VIL1: variants seen among roughly 807,000 people sequenced by gnomAD.
VIL1 encodes the protein villin 1.
A neutral mutation model predicts 104.0 loss-of-function variants in VIL1; 86 were observed. That is an observed-to-expected ratio of 0.83 (90% CI 0.69 to 0.99). VIL1 has a LOEUF of 0.99. Among genes scored for constraint, VIL1 ranks in the 50% least tolerant of loss-of-function variants. The probability of loss-of-function intolerance (pLI) is 0.00; values close to 1 mark genes in which losing one functional copy is unlikely to be tolerated. For synonymous variants in VIL1, 394 were observed against 412.6 expected (o/e 0.95, Z 0.55); for missense variants, 944 against 1,054.1 (o/e 0.90, Z 1.45).
chr2:218,434,505 G>A, intron 13 of VIL1, 21 bp from the exon 14 acceptor site: 2 of 1,596,610 alleles, frequency 1.3e-6, no homozygotes, highest in Non-Finnish European at 1.7e-6. Flanking sequence ...CTCTCTCCCT[G>A]TCTTCTGCCC....
In VIL1 at chr2:218,444,479, T is replaced by C. The variant is rs553297475; in HGVS notation, c.2370+3617T>C. Among the ~76,000 whole-genome samples the C allele has an allele frequency of 3.8e-3, 569 of 151,564 alleles. 3 individuals are homozygous for C. The highest frequency in any genetic ancestry group is 0.016 in the South Asian group (76 of 4,790). On this transcript the variant is annotated intron_variant, in intron 19 of 19. Coordinates refer to ENST00000248444, the MANE Select transcript of VIL1 (RefSeq NM_007127.3). ...ATTTTTAGTAGAGACGGGGTTTCACTGTGTTAGCCAGGATGGTCTCGATCT... is the reference window on the plus strand; with the variant it reads ...ATTTTTAGTAGAGACGGGGTTTCACCGTGTTAGCCAGGATGGTCTCGATCT...
At chr2:218,435,853 G>C (rs190901132) in intron 15 of VIL1, among the ~76,000 whole-genome samples, 7 of 152,262 alleles carry the variant, frequency 4.6e-5, no homozygotes, top group South Asian at 2.1e-4. Flanking sequence ...TTGTTTTTGT[G>C]ACAGAGTCTC....
At chr2:218,437,037 A>G in intron 16 of VIL1, 87 bp from the exon 17 acceptor site, 1 of 1,489,918 alleles carries the variant, frequency 6.7e-7, no homozygotes, top group Non-Finnish European at 9.2e-7. Flanking sequence ...GGTCAAGGTC[A>G]GGGTTTCACT....
intron 10 of VIL1, chr2:218,431,266 G>T (rs749077991): frequency 9.2e-6 from 3 of 326,838 alleles, no homozygotes; most frequent in Non-Finnish European, 1.6e-5. Flanking sequence ...CTGGAGAATC[G>T]CTTGAATTCA....
At chr2:218,425,901 G>A in intron 4 of VIL1, 90 bp downstream of exon 4, 1 of 1,383,522 alleles carries the variant, frequency 7.2e-7, no homozygotes, top group South Asian at 1.4e-5. Context: ...GGGACACCCA[G>A]ACCTGTTCAG....
chr2:218,423,621 T>C (rs1688929887), intron 1 of VIL1, 147 bp from the exon 2 acceptor site: 1 of 696,922 alleles, frequency 1.4e-6, no homozygotes, highest in Non-Finnish European at 2.5e-6. Context: ...CAAGCGGAAA[T>C]GGTCCCTGAG....
chr2:218,451,293 C>A lies in VIL1; in HGVS notation c.*1957C>A, dbSNP rs1219511032. On this transcript the variant is annotated 3_prime_UTR_variant, in exon 20 of 20. Coordinates refer to ENST00000248444, the MANE Select transcript of VIL1 (RefSeq NM_007127.3). ...ATCTGGTGTTAGGTTGTTGATTTTT[C>A]TAAAAATCTCCTATATATACAAAAT... The A allele has an allele frequency of 6.6e-6, 1 of 152,056 alleles. No homozygotes were observed. The highest frequency in any genetic ancestry group is 1.5e-5 in the Non-Finnish European group (1 of 67,990). 9.4% of individuals were successfully genotyped at this position (152,056 alleles called of 1,614,324 possible). A position where few individuals can be genotyped will look rare whatever the true frequency, so the allele number is the denominator to read the frequency against.
In VIL1 at chr2:218,432,858, G is replaced by A; in HGVS notation, c.1407G>A (p.Lys469=). 3 of 1,614,248 alleles carry A rather than the reference G, an allele frequency of 1.9e-6. No individual in the cohort carries two copies. Among genetic ancestry groups the A allele is most frequent in the Non-Finnish European group, 2.5e-6 (3 of 1,180,040 alleles). ...SAYQAVILDQ[K]YNGEPVQIRV... ...ATCAAGCCGTCATCCTGGACCAGAAGTACAATGGTGAACCAGTCCAGATCC... is the reference window on the plus strand; with the variant it reads ...ATCAAGCCGTCATCCTGGACCAGAAATACAATGGTGAACCAGTCCAGATCC... Residue 469 remains lysine (K), a synonymous_variant, in exon 13 of 20, where the codon AAG becomes AAA. Coordinates refer to ENST00000248444, the MANE Select transcript of VIL1 (RefSeq NM_007127.3).
At chr2:218,425,484 G>T in intron 3 of VIL1, 131 bp from the exon 4 acceptor site, 1 of 832,908 alleles carries the variant, frequency 1.2e-6, no homozygotes. Flanking sequence ...GCTCCTAACC[G>T]CCAGCCTAGT....
rs934775922 is a variant in VIL1 at position 218,453,146 on chromosome 2, G to C, written c.*3810G>C. On this transcript the variant is annotated 3_prime_UTR_variant, in exon 20 of 20. Coordinates refer to ENST00000248444, the MANE Select transcript of VIL1 (RefSeq NM_007127.3). Reference sequence around the variant, plus strand: ...ATTCAAAGAATGAAAACTTAGAATAGTTTACTACATTAGAATACATCCAAG... The same window carrying C: ...ATTCAAAGAATGAAAACTTAGAATACTTTACTACATTAGAATACATCCAAG... 6 of 152,178 alleles carry C rather than the reference G, an allele frequency of 3.9e-5. No homozygotes were observed. The South Asian group carries it at 1.2e-3, about 32-fold the overall frequency. 9.4% of individuals were successfully genotyped at this position (152,178 alleles called of 1,614,324 possible). A position where few individuals can be genotyped will look rare whatever the true frequency, so the allele number is the denominator to read the frequency against.
At chr2:218,421,371 C>T (rs1294074668) in intron 1 of VIL1, among the ~76,000 whole-genome samples, 2 of 151,994 alleles carry the variant, frequency 1.3e-5, no homozygotes, top group Non-Finnish European at 2.9e-5. Flanking sequence ...GTGACCATGC[C>T]CTTCCCTGGT....
chr2:218,440,415 G>A (rs1574819313), intron 18 of VIL1, among the ~76,000 whole-genome samples: 2 of 152,002 alleles, frequency 1.3e-5, no homozygotes, highest in African/African-American at 4.8e-5. Flanking sequence ...GATTACAGGC[G>A]CCTGACACCA....
At chr2:218,439,838 C>A (rs74822927) in intron 18 of VIL1, among the ~76,000 whole-genome samples, 2,732 of 134,170 alleles carry the variant, frequency 0.02, 102 homozygotes, top group African/African-American at 0.073. Context: ...AAAAAAAAAA[C>A]CCGAAAAAAG....
intron 19 of VIL1, among the ~76,000 whole-genome samples, chr2:218,446,483 C>CCT (rs997981376): frequency 6.6e-6 from 1 of 152,110 alleles, no homozygotes; most frequent in African/African-American, 2.4e-5. Flanking sequence ...GATCCACCTG[C>CCT]CTTGGCCTCC....
At chr2:218,419,992 C>T (rs1472785795) in intron 1 of VIL1, among the ~76,000 whole-genome samples, 2 of 152,172 alleles carry the variant, frequency 1.3e-5, no homozygotes, top group African/African-American at 2.4e-5. Context: ...AGGAGGATGT[C>T]CTTTGTCTGA....
At chr2:218,424,012 G>A (rs1688936824) in intron 2 of VIL1, among the ~76,000 whole-genome samples, 159 bp downstream of exon 2, 1 of 152,042 alleles carries the variant, frequency 6.6e-6, no homozygotes, top group Non-Finnish European at 1.5e-5. Context: ...ACCCCGGCTG[G>A]TCTCCCTTTC....
rs760517978 is a variant in VIL1, at chr2:218,432,144, C to T, written c.1302C>T (p.Leu434=). The change falls in exon 12 of 20, where the codon CTC becomes CTT. Residue 434 remains leucine, a synonymous_variant. Transcript: ENST00000248444. ...GDCYLLLYTY[L]IGEKQHYLLY... ...GCTACCTGCTGCTCTACACCTACCT[C>T]ATCGGCGAGAAGCAGCATTACCTGC... 3 of 1,613,900 alleles carry T rather than the reference C, an allele frequency of 1.9e-6. No individual in the cohort carries two copies. Among genetic ancestry groups the T allele is most frequent in the Middle Eastern group, 1.7e-4 (1 of 6,052 alleles).
In VIL1 at chr2:218,425,741, G is replaced by T; in HGVS notation, c.277G>T (p.Ala93Ser). The change falls in exon 4 of 20, where the codon GCT (alanine) becomes TCT (serine). Residue 93 changes from alanine (A) to serine (S), a missense_variant. Transcript: ENST00000248444. ...TQMDDFLKGR[A>S]VQHREVQGNE... ...GATGGATGACTTCCTGAAGGGCCGG[G>T]CTGTGCAGCACCGCGAGGTCCAGGG... 1.9e-6 allele frequency: 3 copies of T among 1,614,212 alleles called. No individual in the cohort carries two copies. Among genetic ancestry groups the T allele is most frequent in the Non-Finnish European group, 2.5e-6 (3 of 1,180,026 alleles).
chr2:218,434,219 C>A (rs1689148534), intron 13 of VIL1, among the ~76,000 whole-genome samples: 1 of 106,692 alleles, frequency 9.4e-6, no homozygotes, highest in Non-Finnish European at 2.2e-5. Context: ...AAAAGCCTGG[C>A]AGAGCTAGCT....
Sources: gnomAD v4.1 joint callset for allele counts (sites outside exome capture counted in the v4.1 genomes callset) on GRCh38, gnomAD v4.1.1 for gene constraint, MANE v1.5 for transcripts, NCBI Gene and HGNC (gene_info 2026-07-23, HGNC 2026-07-21) for gene names.